The following DLG2 variants were observed in gnomAD, a reference collection of about 807,000 sequenced individuals.
DLG2 encodes the protein discs large MAGUK scaffold protein 2.
DLG2 carries 45 observed loss-of-function variants against 132.5 expected under a neutral mutation model. The observed-to-expected ratio is 0.34, with a 90% CI of 0.27 to 0.44. The LOEUF is 0.44. DLG2 is among the 20% of genes least tolerant of loss of function. DLG2 has a pLI of 1.00. For synonymous variants in DLG2, 424 were observed against 419.6 expected (o/e 1.01, Z -0.13); for missense variants, 1,045 against 1,196.9 (o/e 0.87, Z 1.87).
intron 21 of DLG2, among the ~76,000 whole-genome samples, chr11:83,512,325 G>C (rs1176643592): frequency 6.6e-6 from 1 of 152,110 alleles, no homozygotes; most frequent in Admixed American, 6.5e-5. Context: ...AAATACATTC[G>C]AGACGCAGTT....
Position 84,795,771 on chromosome 11 carries a change from C to A in DLG2, c.358-261040G>T, listed in dbSNP as rs1305316633. Among the ~76,000 whole-genome samples, 6 of 152,168 alleles carry A rather than the reference C, an allele frequency of 3.9e-5. 1 individual carries two copies. Among genetic ancestry groups the A allele is most frequent in the Non-Finnish European group, 8.8e-5 (6 of 68,036 alleles). Reference sequence around the variant, plus strand: ...TCCGGAGCCAGGGCTGCCAAACCCTCTTTGAGGCTCTATGGTTTCTGGCAT... The same window carrying A: ...TCCGGAGCCAGGGCTGCCAAACCCTATTTGAGGCTCTATGGTTTCTGGCAT... On this transcript the variant is annotated intron_variant, in intron 6 of 27. Coordinates refer to ENST00000376104, the MANE Select transcript of DLG2 (RefSeq NM_001142699.3).
At chr11:83,898,564 T>G (rs1462702217) in intron 15 of DLG2, among the ~76,000 whole-genome samples, 1 of 152,156 alleles carries the variant, frequency 6.6e-6, no homozygotes, top group Non-Finnish European at 1.5e-5. Context: ...CTGTTTTTTA[T>G]TCTTTTTTCA....
chr11:83,771,517 G>A (rs1485318582), intron 18 of DLG2, among the ~76,000 whole-genome samples: 4 of 152,204 alleles, frequency 2.6e-5, no homozygotes, highest in African/African-American at 4.8e-5. Context: ...CAACTAGGCT[G>A]TGTGGTATGG....
At chr11:84,584,889 C>T (rs1294994518) in intron 6 of DLG2, among the ~76,000 whole-genome samples, 12 of 150,694 alleles carry the variant, frequency 8.0e-5, no homozygotes, top group African/African-American at 2.9e-4. Flanking sequence ...GGGGTTTCAC[C>T]GTTTTAGTCG....
At chr11:84,493,869 A>G (rs1245554404) in intron 7 of DLG2, among the ~76,000 whole-genome samples, 1 of 152,196 alleles carries the variant, frequency 6.6e-6, no homozygotes, top group Non-Finnish European at 1.5e-5. Flanking sequence ...TTTATCAGGA[A>G]CATGCCATCT....
chr11:83,486,134 G>T, intron 21 of DLG2: 1 of 610,320 alleles, frequency 1.6e-6, no homozygotes, highest in South Asian at 2.0e-5. Flanking sequence ...ACAAGGTTGA[G>T]AACTGCCCCC....
At chr11:84,973,081 C>A (rs995470221) in intron 6 of DLG2, among the ~76,000 whole-genome samples, 1 of 151,930 alleles carries the variant, frequency 6.6e-6, no homozygotes, top group African/African-American at 2.4e-5. Context: ...CCTCAGCTTC[C>A]CTGGTAGCTG....
chr11:84,817,880 A>G (rs2077238324), intron 6 of DLG2, among the ~76,000 whole-genome samples: 4 of 152,084 alleles, frequency 2.6e-5, no homozygotes, highest in African/African-American at 9.6e-5. Flanking sequence ...CTGTGATCAC[A>G]TAATTCAGTG....
intron 11 of DLG2, among the ~76,000 whole-genome samples, chr11:84,021,380 T>A (rs2095387901): frequency 6.6e-6 from 1 of 152,162 alleles, no homozygotes; most frequent in Admixed American, 6.5e-5. Flanking sequence ...TACAATCTGT[T>A]ATAAGCCCTT....
chr11:85,036,806 A>G (rs2061471459), intron 6 of DLG2, among the ~76,000 whole-genome samples: 1 of 152,190 alleles, frequency 6.6e-6, no homozygotes, highest in Non-Finnish European at 1.5e-5. Flanking sequence ...TGTTCTGACT[A>G]TCTACAACAG....
At chr11:84,373,268 A>AAAAAAAAAAAAAAAAAAAAAAAAAC (rs1567449347) in intron 7 of DLG2, among the ~76,000 whole-genome samples, 3 of 135,734 alleles carry the variant, frequency 2.2e-5, no homozygotes, top group Non-Finnish European at 4.6e-5. Flanking sequence ...AAAAAAACAA[A>AAAAAAAAAAAAAAAAAAAAAAAAAC]ACAAAAAAAA....
intron 4 of DLG2, among the ~76,000 whole-genome samples, chr11:85,191,814 T>C (rs369554337): frequency 4.6e-5 from 7 of 152,208 alleles, no homozygotes; most frequent in African/African-American, 1.4e-4. Context: ...ATACTTCTTA[T>C]AAGTCTACTA....
At chr11:83,540,417 T>A (rs1460804202) in intron 20 of DLG2, among the ~76,000 whole-genome samples, 1 of 152,132 alleles carries the variant, frequency 6.6e-6, no homozygotes, top group African/African-American at 2.4e-5. Context: ...CAGAGAACTC[T>A]GCTGGTGGGA....
chr11:83,545,337 G>C (rs1192652901), intron 19 of DLG2, among the ~76,000 whole-genome samples: 1 of 152,138 alleles, frequency 6.6e-6, no homozygotes, highest in Non-Finnish European at 1.5e-5. Context: ...TGGCACTAGT[G>C]AGGGCTCAAT....
intron 3 of DLG2, among the ~76,000 whole-genome samples, chr11:85,458,822 G>A (rs1324449926): frequency 6.6e-6 from 1 of 152,156 alleles, no homozygotes; most frequent in African/African-American, 2.4e-5. Flanking sequence ...TCTTCTCAGT[G>A]CTTTGAAAGT....
intron 19 of DLG2, among the ~76,000 whole-genome samples, chr11:83,629,121 C>A (rs1476811076): frequency 2.0e-5 from 3 of 152,074 alleles, no homozygotes; most frequent in South Asian, 4.1e-4. Flanking sequence ...AGATTCCAGG[C>A]CTTTCTAGAG....
chr11:83,772,019 C>G (rs1369385988), intron 18 of DLG2, among the ~76,000 whole-genome samples: 1 of 151,946 alleles, frequency 6.6e-6, no homozygotes, highest in Non-Finnish European at 1.5e-5. Flanking sequence ...GAAAATCACA[C>G]CAGTTAATGA....
At chr11:83,739,357 G>A (rs987392884) in intron 18 of DLG2, among the ~76,000 whole-genome samples, 8 of 151,890 alleles carry the variant, frequency 5.3e-5, no homozygotes, top group African/African-American at 1.7e-4. Flanking sequence ...TCTACTAATC[G>A]TTTCTATGGA....
At chr11:84,520,092 G>T (rs1367586677) in intron 7 of DLG2, among the ~76,000 whole-genome samples, 6 of 152,100 alleles carry the variant, frequency 3.9e-5, no homozygotes, top group Non-Finnish European at 8.8e-5. Context: ...TACCTCCAAT[G>T]ACAGGAAGCT....
Sources: gnomAD v4.1 joint callset for allele counts (sites outside exome capture counted in the v4.1 genomes callset) on GRCh38, gnomAD v4.1.1 for gene constraint, MANE v1.5 for transcripts, NCBI Gene and HGNC (gene_info 2026-07-23, HGNC 2026-07-21) for gene names.